The following ATAD1 variants were observed in gnomAD, a reference collection of about 807,000 sequenced individuals.
ATAD1 encodes ATPase family AAA domain containing 1, also known as outer mitochondrial transmembrane helix translocase.
A neutral mutation model predicts 42.7 loss-of-function variants in ATAD1; 18 were observed. That is an observed-to-expected ratio of 0.42 (90% CI 0.29 to 0.63). The LOEUF (loss-of-function observed/expected upper bound fraction) is 0.63, where lower values mean the gene tolerates loss of function less well. Among genes scored for constraint, ATAD1 ranks in the 20% least tolerant of loss-of-function variants. ATAD1 has a pLI of 0.19. For missense variants in ATAD1, 294 were observed against 440.4 expected, an observed-to-expected ratio of 0.67 and a Z score of 2.98; for synonymous variants, 132 against 143.1, an observed-to-expected ratio of 0.92 and a Z score of 0.55.
chr10:87,774,769 A>G (rs1855211569), intron 6 of ATAD1, among the ~76,000 whole-genome samples: 2 of 152,074 alleles, frequency 1.3e-5, no homozygotes, highest in Admixed American at 6.6e-5. Context: ...TGAGCAAGAT[A>G]ATGAAACTCT....
intron 9 of ATAD1, among the ~76,000 whole-genome samples, chr10:87,755,671 G>A (rs1343918098): frequency 6.6e-6 from 1 of 152,126 alleles, no homozygotes; most frequent in Non-Finnish European, 1.5e-5. Context: ...CACTTTGGGA[G>A]GCCAAGGCGG....
intron 6 of ATAD1, 96 bp from the exon 7 acceptor site, chr10:87,771,137 T>A: frequency 1.1e-5 from 9 of 814,558 alleles, no homozygotes; most frequent in Non-Finnish European, 1.7e-5. Context: ...TTAAGTGGTA[T>A]TTTAACTAAA....
intron 9 of ATAD1, among the ~76,000 whole-genome samples, chr10:87,755,224 T>C (rs924251483): frequency 6.6e-6 from 1 of 152,196 alleles, no homozygotes; most frequent in Non-Finnish European, 1.5e-5. Context: ...AAAAGTAGCA[T>C]TTCTAGGTAT....
rs1456522048 is a variant in ATAD1 at position 87,752,245 on chromosome 10, A to G, written c.*2442T>C. ...TCAGACTTATCAAAAGTCTTCCAGC[A>G]ATGATGCTTTTAGAGAAACATGGCA... On this transcript the variant is annotated 3_prime_UTR_variant, in exon 10 of 10. Coordinates refer to ENST00000680024, the MANE Select transcript of ATAD1 (RefSeq NM_001321967.2). 6.6e-6 allele frequency: 1 copy of G among 152,206 alleles called. No individual in the cohort carries two copies. The allele number at this position is 152,206 out of a possible 1,614,324, so 9.4% of individuals were successfully genotyped here. A position where few individuals can be genotyped will look rare whatever the true frequency, so the allele number is the denominator to read the frequency against.
At chr10:87,792,569 C>A in intron 3 of ATAD1, 88 bp downstream of exon 3, 1 of 923,704 alleles carries the variant, frequency 1.1e-6, no homozygotes. Context: ...TCAAAGAACC[C>A]GGCCGTGATC....
chr10:87,825,833 C>G (rs753244460), intron 1 of ATAD1, among the ~76,000 whole-genome samples: 1 of 152,104 alleles, frequency 6.6e-6, no homozygotes. Flanking sequence ...TCCCAAAGCA[C>G]TGGGATTACA....
rs573003983 is a variant in ATAD1 at position 87,795,911 on chromosome 10, CTT to C, written c.163-3158_163-3157del. Among the ~76,000 whole-genome samples, 415 of 152,232 alleles carry C rather than the reference CTT, an allele frequency of 2.7e-3. 3 individuals are homozygous for C. The highest frequency in any genetic ancestry group is 9.5e-3 in the African/African-American group (396 of 41,542). Reference sequence around the variant, plus strand: ...AAAAATCAGAGATGAACGAATTAAACTTAAGTTAGAAACAAGGACAACCTCTG... The same window carrying C: ...AAAAATCAGAGATGAACGAATTAAACAAGTTAGAAACAAGGACAACCTCTG... On this transcript the variant is annotated intron_variant, in intron 2 of 9. Coordinates refer to ENST00000680024, the MANE Select transcript of ATAD1 (RefSeq NM_001321967.2).
At chr10:87,782,340 T>C (rs1167236482) in intron 5 of ATAD1, among the ~76,000 whole-genome samples, 1 of 152,170 alleles carries the variant, frequency 6.6e-6, no homozygotes, top group Non-Finnish European at 1.5e-5. Flanking sequence ...TGAAAGAACT[T>C]TGAAAGACTT....
intron 1 of ATAD1, among the ~76,000 whole-genome samples, chr10:87,828,838 T>C (rs892135083): frequency 6.6e-6 from 1 of 152,228 alleles, no homozygotes; most frequent in Non-Finnish European, 1.5e-5. Context: ...TAAGAGTTAC[T>C]CTGTATCTAC....
At chr10:87,838,736 T>TTTTCTCTCTC (rs1554887925) in intron 1 of ATAD1, among the ~76,000 whole-genome samples, 97 of 131,864 alleles carry the variant, frequency 7.4e-4, no homozygotes, top group African/African-American at 2.5e-3. Context: ...CTCATTCATA[T>TTTTCTCTCTC]TCTCTCTCTC....
chr10:87,762,032 ACCATGC>A (rs1191625951), intron 8 of ATAD1, among the ~76,000 whole-genome samples: 1 of 152,154 alleles, frequency 6.6e-6, no homozygotes, highest in Non-Finnish European at 1.5e-5. Context: ...GGCATGAGTC[ACCATGC>A]CCAGCACTGA....
At chr10:87,784,379 A>G in intron 5 of ATAD1, 91 bp downstream of exon 5, 1 of 1,184,328 alleles carries the variant, frequency 8.4e-7, no homozygotes, top group South Asian at 1.4e-5. Flanking sequence ...TTTTATTAAC[A>G]TGGCCTAATA....
intron 3 of ATAD1, 93 bp from the exon 4 acceptor site, chr10:87,790,523 T>C (rs893326354): frequency 7.9e-7 from 1 of 1,268,644 alleles, no homozygotes; most frequent in African/African-American, 1.5e-5. Context: ...GTTAATCTGA[T>C]GATTATACAT....
chr10:87,783,971 CATAAT>C (rs1039563393), intron 5 of ATAD1, among the ~76,000 whole-genome samples: 1 of 150,442 alleles, frequency 6.6e-6, no homozygotes, highest in Admixed American at 6.6e-5. Flanking sequence ...TAGGTGTAAT[CATAAT>C]AAACATCAAC....
intron 1 of ATAD1, among the ~76,000 whole-genome samples, chr10:87,838,736 TTCTCTC>T (rs112302394): frequency 2.3e-5 from 3 of 131,798 alleles, no homozygotes; most frequent in South Asian, 4.6e-4. Flanking sequence ...CTCATTCATA[TTCTCTC>T]TCTCTCTCTC....
At chr10:87,787,486 T>C (rs1855893811) in intron 4 of ATAD1, among the ~76,000 whole-genome samples, 1 of 152,088 alleles carries the variant, frequency 6.6e-6, no homozygotes, top group South Asian at 2.1e-4. Flanking sequence ...GGCATGGTGG[T>C]ACATGCCTTG....
chr10:87,777,879 C>T (rs1216920252), intron 5 of ATAD1, among the ~76,000 whole-genome samples: 3 of 152,050 alleles, frequency 2.0e-5, no homozygotes, highest in African/African-American at 7.2e-5. Flanking sequence ...AACATATATC[C>T]TAGATTTATT....
chr10:87,769,638 T>C (rs1239870309), intron 7 of ATAD1, among the ~76,000 whole-genome samples: 3 of 152,184 alleles, frequency 2.0e-5, no homozygotes, highest in Admixed American at 6.5e-5. Flanking sequence ...GTGACACATA[T>C]TAATGCTCAA....
At chr10:87,768,227 T>C (rs772745893) in intron 7 of ATAD1, among the ~76,000 whole-genome samples, 3 of 152,160 alleles carry the variant, frequency 2.0e-5, no homozygotes, top group Non-Finnish European at 4.4e-5. Context: ...TGTATGCTTT[T>C]CCCCCAGTGA....
Sources: gnomAD v4.1 joint callset for allele counts (sites outside exome capture counted in the v4.1 genomes callset) on GRCh38, gnomAD v4.1.1 for gene constraint, MANE v1.5 for transcripts, NCBI Gene and HGNC (gene_info 2026-07-23, HGNC 2026-07-21) for gene names.